MAP3K5: variants seen among roughly 807,000 people sequenced by gnomAD.
MAP3K5 encodes the protein ASK-1.
MAP3K5 carries 56 observed loss-of-function variants against 158.7 expected under a neutral mutation model. The observed-to-expected ratio is 0.35, with a 90% CI of 0.28 to 0.44. The LOEUF is 0.44. Ranked by LOEUF, MAP3K5 falls within the 20% of genes least tolerant of loss-of-function variation. MAP3K5 has a pLI of 1.00. For missense variants in MAP3K5, 1,294 were observed against 1,674.8 expected, an observed-to-expected ratio of 0.77 and a Z score of 3.97; for synonymous variants, 579 against 601.7, an observed-to-expected ratio of 0.96 and a Z score of 0.55.
intron 7 of MAP3K5, among the ~76,000 whole-genome samples, chr6:136,669,634 A>T (rs1490454392): frequency 1.3e-5 from 1 of 75,046 alleles, no homozygotes; most frequent in Non-Finnish European, 2.8e-5. Flanking sequence ...CCTAGTCTTT[A>T]AAAAAATCCT....
At chr6:136,621,986 C>T (rs1215575603) in intron 15 of MAP3K5, among the ~76,000 whole-genome samples, 4 of 150,786 alleles carry the variant, frequency 2.7e-5, no homozygotes, top group East Asian at 2.0e-4. Flanking sequence ...CTCAGGAGGC[C>T]GAGGCAGGAG....
rs538509854 is a variant in MAP3K5 at position 136,709,028 on chromosome 6, A to G, written c.589-3895T>C. 3.6e-4 allele frequency among the ~76,000 whole-genome samples: 55 copies of G among 152,190 alleles called. No homozygotes were observed. The South Asian group carries it at 8.1e-3, about 22-fold the overall frequency. The stretch of plus-strand genomic sequence containing the variant: ...TTCACTGTGTTCTGTGACACCCCCA[A>G]CAGAAGTAGATTATGTCTTTATCTG... On this transcript the variant is annotated intron_variant, in intron 2 of 29. Coordinates refer to ENST00000359015, the MANE Select transcript of MAP3K5 (RefSeq NM_005923.4).
chr6:136,663,325 C>T (rs1301146153), intron 8 of MAP3K5, among the ~76,000 whole-genome samples: 2 of 152,180 alleles, frequency 1.3e-5, no homozygotes, highest in African/African-American at 4.8e-5. Context: ...TTTGCTATTG[C>T]TTCATCTCCC....
chr6:136,572,414 A>G (rs1774411521), intron 25 of MAP3K5, among the ~76,000 whole-genome samples: 1 of 152,120 alleles, frequency 6.6e-6, no homozygotes, highest in Non-Finnish European at 1.5e-5. Flanking sequence ...ATGTGCCACC[A>G]TGCCTGGCTA....
intron 7 of MAP3K5, among the ~76,000 whole-genome samples, chr6:136,676,950 C>T (rs1327866620): frequency 6.6e-6 from 1 of 151,018 alleles, no homozygotes; most frequent in Non-Finnish European, 1.5e-5. Context: ...CGCCACCACG[C>T]CCAGCTAATT....
At chr6:136,565,846 G>A (rs1774081478) in intron 26 of MAP3K5, among the ~76,000 whole-genome samples, 2 of 152,302 alleles carry the variant, frequency 1.3e-5, no homozygotes, top group South Asian at 4.1e-4. Flanking sequence ...GTGATGGAAA[G>A]CCGTGGGAGA....
chr6:136,607,310 T>G (rs73556254), intron 18 of MAP3K5, among the ~76,000 whole-genome samples: 86 of 152,272 alleles, frequency 5.6e-4, no homozygotes, highest in African/African-American at 2.0e-3. Flanking sequence ...TTTTTAAACA[T>G]CGTAAATTAG....
At chr6:136,654,026 G>A (rs554484978) in intron 10 of MAP3K5, among the ~76,000 whole-genome samples, 1 of 152,300 alleles carries the variant, frequency 6.6e-6, no homozygotes, top group East Asian at 1.9e-4. Flanking sequence ...AAAGTTTCAA[G>A]AAGGAAATGG....
intron 7 of MAP3K5, among the ~76,000 whole-genome samples, chr6:136,681,683 A>G (rs765278546): frequency 2.6e-5 from 4 of 152,248 alleles, no homozygotes; most frequent in Admixed American, 6.5e-5. Flanking sequence ...TTGGGAGGCC[A>G]AGGTGGGCAG....
intron 7 of MAP3K5, among the ~76,000 whole-genome samples, chr6:136,673,000 A>AG (rs1554296430): frequency 2.6e-5 from 4 of 151,470 alleles, no homozygotes; most frequent in African/African-American, 9.7e-5. Context: ...AAAAAAAAAA[A>AG]AAAAAGAAAA....
At chr6:136,756,110 G>A (rs1051713295) in intron 1 of MAP3K5, among the ~76,000 whole-genome samples, 2 of 150,828 alleles carry the variant, frequency 1.3e-5, no homozygotes, top group African/African-American at 4.9e-5. Context: ...AGTTCAAGAC[G>A]AGCCTAGGCA....
upstream of MAP3K5, chr6:136,792,552 C>T (rs1262512510): frequency 8.1e-5 from 14 of 173,446 alleles, no homozygotes; most frequent in Admixed American, 1.3e-4. This position sits in a 1 kb window ranked among gnomAD's most constrained non-coding sequence, Gnocchi z 5.7. Context: ...CGCCGCGCCG[C>T]GCCGCGCCGC....
intron 1 of MAP3K5, among the ~76,000 whole-genome samples, chr6:136,726,205 C>G (rs1781958581): frequency 1.3e-5 from 2 of 152,136 alleles, no homozygotes; most frequent in Admixed American, 6.5e-5. Flanking sequence ...TGATATCTAT[C>G]AATTGATAGC....
chr6:136,665,554 C>T (rs1315018856), intron 8 of MAP3K5, among the ~76,000 whole-genome samples: 2 of 152,138 alleles, frequency 1.3e-5, no homozygotes, highest in Non-Finnish European at 2.9e-5. Context: ...CCATGTTCAT[C>T]AGGCTGGTCT....
intron 20 of MAP3K5, among the ~76,000 whole-genome samples, chr6:136,601,260 T>G (rs1162865360): frequency 6.6e-6 from 1 of 152,172 alleles, no homozygotes; most frequent in Non-Finnish European, 1.5e-5. Context: ...AAAAATATAA[T>G]GTACTTATAT....
chr6:136,647,523 C>T (rs1778320438), intron 11 of MAP3K5, among the ~76,000 whole-genome samples: 1 of 152,312 alleles, frequency 6.6e-6, no homozygotes, highest in African/African-American at 2.4e-5. Flanking sequence ...ACGTCAGTGA[C>T]ATCCTGTTTC....
chr6:136,743,351 G>GA (rs1782795261), intron 1 of MAP3K5, among the ~76,000 whole-genome samples: 1 of 151,896 alleles, frequency 6.6e-6, no homozygotes, highest in African/African-American at 2.4e-5. Context: ...TCGGGAGGCT[G>GA]AGGCAGGAGA....
At chr6:136,766,140 G>T (rs924475002) in intron 1 of MAP3K5, among the ~76,000 whole-genome samples, 3 of 152,168 alleles carry the variant, frequency 2.0e-5, no homozygotes, top group Non-Finnish European at 4.4e-5. Context: ...GGTAAAGCCA[G>T]AACCCAAGCC....
At chr6:136,761,863 G>C (rs563708798) in intron 1 of MAP3K5, among the ~76,000 whole-genome samples, 5 of 152,304 alleles carry the variant, frequency 3.3e-5, no homozygotes, top group African/African-American at 1.2e-4. Context: ...AGAAGGAAGG[G>C]AAGAAGGGAA....
Sources: allele counts gnomAD v4.1 joint callset (sites outside exome capture counted in the v4.1 genomes callset), GRCh38; gene constraint gnomAD v4.1.1; non-coding constraint Gnocchi (gnomAD v3.1); transcripts MANE v1.5; gene names NCBI Gene and HGNC (gene_info 2026-07-23, HGNC 2026-07-21).